The following NXPH1 variants were observed in gnomAD, a reference collection of about 807,000 sequenced individuals.
NXPH1 encodes the protein neurexophilin 1.
Under a neutral mutation model 23.7 loss-of-function variants are expected in NXPH1, and 5 were observed. The observed-to-expected ratio is 0.21, with a 90% CI of 0.11 to 0.44. The LOEUF (loss-of-function observed/expected upper bound fraction) is 0.44. NXPH1 is among the 20% of genes least tolerant of loss of function. The pLI, the probability that NXPH1 is intolerant of heterozygous loss-of-function variation, is 0.99. For missense variants in NXPH1, 324 were observed against 321.6 expected, an observed-to-expected ratio of 1.01 and a Z score of -0.06; for synonymous variants, 144 against 122.2, an observed-to-expected ratio of 1.18 and a Z score of -1.18.
chr7:8,472,530 G>A (rs1816886588), intron 2 of NXPH1, among the ~76,000 whole-genome samples: 1 of 152,100 alleles, frequency 6.6e-6, no homozygotes, highest in Non-Finnish European at 1.5e-5. Flanking sequence ...GTGGGCCCAG[G>A]CTTTTTGCCT....
chr7:8,517,167 G>A (rs1474878069), intron 2 of NXPH1, among the ~76,000 whole-genome samples: 1 of 152,108 alleles, frequency 6.6e-6, no homozygotes, highest in African/African-American at 2.4e-5. Flanking sequence ...GTGCATAGTA[G>A]TGACTCAGCA....
chr7:8,593,311 G>A (rs1819143396), intron 2 of NXPH1, among the ~76,000 whole-genome samples: 1 of 151,724 alleles, frequency 6.6e-6, no homozygotes, highest in Non-Finnish European at 1.5e-5. Context: ...GGAATACATA[G>A]CAATCATATT....
chr7:8,679,875 G>T (rs57913851), intron 2 of NXPH1, among the ~76,000 whole-genome samples: 12,503 of 152,280 alleles, frequency 0.082, 812 homozygotes, highest in East Asian at 0.25. Context: ...ACAAAAATTA[G>T]CCAGGTGTGG....
At chr7:8,616,175 C>T (rs1321412180) in intron 2 of NXPH1, among the ~76,000 whole-genome samples, 4 of 152,016 alleles carry the variant, frequency 2.6e-5, no homozygotes, top group Admixed American at 1.3e-4. Flanking sequence ...CTTTCACTCT[C>T]TTCTTACACA....
rs187143482 is a variant in NXPH1, at chr7:8,618,906, T to A, written c.55-132102T>A. 2.3e-3 allele frequency among the ~76,000 whole-genome samples: 350 copies of A among 152,294 alleles called. 2 individuals are homozygous for A. Among genetic ancestry groups the A allele is most frequent in the South Asian group, 3.9e-3 (19 of 4,824 alleles). ...TGCAATTGAAGTTATCTGGACCCAG[T>A]TTTTTTCTCTTTTGCTGCTGCATTT... On this transcript the variant is annotated intron_variant, in intron 2 of 2. Transcript: ENST00000405863.
chr7:8,751,228 G>A lies in NXPH1; in HGVS notation c.275G>A (p.Arg92Lys). 6.2e-7 allele frequency: 1 copy of A among 1,613,872 alleles called. No homozygotes were observed. The highest frequency in any genetic ancestry group is 8.5e-7 in the Non-Finnish European group (1 of 1,179,820). Residue 92 changes from arginine (R) to lysine (K), a missense_variant, in exon 3 of 3, where the codon AGG becomes AAG. Arg to Lys is a conservative substitution (Grantham distance 26). Transcript: ENST00000405863. This position sits in a 1 kb window ranked among gnomAD's most constrained non-coding sequence, Gnocchi z 4.5. ...YSEQDLWDWL[R>K]NSTDLQEPRP... ...GAGCAAGACCTCTGGGACTGGCTGAGGAACTCCACAGACCTTCAAGAGCCT... is the reference window on the plus strand; with the variant it reads ...GAGCAAGACCTCTGGGACTGGCTGAAGAACTCCACAGACCTTCAAGAGCCT...
At position 8,516,052 on chromosome 7, in the gene NXPH1, C is replaced by A. The variant is rs1226349708; in HGVS notation, c.54+80285C>A. On this transcript the variant is annotated intron_variant, in intron 2 of 2. Coordinates refer to ENST00000405863, the MANE Select transcript of NXPH1 (RefSeq NM_152745.3). ...ACCAAACCTTCGATTTGATTGTTTA[C>A]TCATCTGTAACACCATAGGCTATTA... Among the ~76,000 whole-genome samples, 13 of 152,218 alleles carry A rather than the reference C, an allele frequency of 8.5e-5. 1 individual carries two copies. In the East Asian group the frequency reaches 2.1e-3, roughly 25 times the overall value.
intron 2 of NXPH1, among the ~76,000 whole-genome samples, chr7:8,447,229 T>C (rs1484890118): frequency 3.3e-5 from 5 of 152,242 alleles, no homozygotes; most frequent in Non-Finnish European, 7.3e-5. Context: ...AAATTGAAGA[T>C]ACAAAACAAC....
chr7:8,541,040 A>G (rs1818108340), intron 2 of NXPH1, among the ~76,000 whole-genome samples: 1 of 151,808 alleles, frequency 6.6e-6, no homozygotes, highest in African/African-American at 2.4e-5. Flanking sequence ...TTTAATTGAA[A>G]ACTATCAGGC....
intron 2 of NXPH1, among the ~76,000 whole-genome samples, chr7:8,466,082 G>A (rs1224407854): frequency 6.6e-6 from 1 of 152,130 alleles, no homozygotes; most frequent in Non-Finnish European, 1.5e-5. Flanking sequence ...TAGTGTAAAG[G>A]GGATTTGGTA....
intron 2 of NXPH1, among the ~76,000 whole-genome samples, chr7:8,511,499 A>G (rs1817611504): frequency 1.3e-5 from 2 of 152,072 alleles, no homozygotes; most frequent in Admixed American, 1.3e-4. Context: ...TGTACAGTAT[A>G]GACTGACCCT....
chr7:8,548,451 A>G (rs1310478911), intron 2 of NXPH1, among the ~76,000 whole-genome samples: 1 of 151,490 alleles, frequency 6.6e-6, no homozygotes, highest in Non-Finnish European at 1.5e-5. Context: ...AGATATCAAA[A>G]CTCTTTGACT....
intron 2 of NXPH1, among the ~76,000 whole-genome samples, chr7:8,588,834 G>A (rs1411085209): frequency 2.0e-5 from 3 of 152,036 alleles, no homozygotes; most frequent in Admixed American, 6.6e-5. Context: ...CTTAAAATGC[G>A]ATTATAAGGC....
chr7:8,542,485 G>A (rs771339668), intron 2 of NXPH1, among the ~76,000 whole-genome samples: 13 of 151,448 alleles, frequency 8.6e-5, no homozygotes, highest in Non-Finnish European at 1.5e-5. Context: ...CTAATCTGCA[G>A]GTATAGAAAA....
At chr7:8,571,022 TAA>T (rs1220125193) in intron 2 of NXPH1, among the ~76,000 whole-genome samples, 1 of 320 alleles carries the variant, frequency 3.1e-3, no homozygotes, top group Non-Finnish European at 4.9e-3. Flanking sequence ...TCTGTCTATC[TAA>T]TCTAATCTAA....
At chr7:8,476,210 C>A (rs1816968672) in intron 2 of NXPH1, among the ~76,000 whole-genome samples, 1 of 152,114 alleles carries the variant, frequency 6.6e-6, no homozygotes, top group Non-Finnish European at 1.5e-5. Flanking sequence ...TTAAAAGATG[C>A]CCATGAATCT....
intron 2 of NXPH1, among the ~76,000 whole-genome samples, chr7:8,549,466 C>G (rs1001994229): frequency 1.5e-4 from 23 of 151,446 alleles, no homozygotes; most frequent in African/African-American, 5.3e-4. Context: ...AAGCTTCTGT[C>G]AATAATAAAA....
At chr7:8,660,741 A>C (rs1699800860) in intron 2 of NXPH1, among the ~76,000 whole-genome samples, 1 of 152,206 alleles carries the variant, frequency 6.6e-6, no homozygotes, top group South Asian at 2.1e-4. Flanking sequence ...GACAAGGAAA[A>C]GATTCACAAT....
At chr7:8,506,968 G>GTTTTAATTTCTTACCACATAT (rs1563330705) in intron 2 of NXPH1, among the ~76,000 whole-genome samples, 3 of 149,490 alleles carry the variant, frequency 2.0e-5, no homozygotes, top group African/African-American at 7.7e-5. Context: ...GCATGGGTGT[G>GTTTTAATTTCTTACCACATAT]ACATGATCAG....
Sources: allele counts gnomAD v4.1 joint callset (sites outside exome capture counted in the v4.1 genomes callset), GRCh38; gene constraint gnomAD v4.1.1; non-coding constraint Gnocchi (gnomAD v3.1); transcripts MANE v1.5; gene names NCBI Gene and HGNC (gene_info 2026-07-23, HGNC 2026-07-21).